COL4A5: variants seen among roughly 807,000 people sequenced by gnomAD.
The protein encoded by COL4A5 is collagen alpha-5(IV) chain.
In COL4A5, 26 loss-of-function variants were observed where a neutral mutation model predicts 130.2. The observed-to-expected ratio is 0.20, with a 90% CI of 0.15 to 0.28. The LOEUF (loss-of-function observed/expected upper bound fraction) is 0.28. Among genes scored for constraint, COL4A5 ranks in the 10% least tolerant of loss-of-function variants. The pLI, the probability that COL4A5 is intolerant of heterozygous loss-of-function variation, is 1.00. For synonymous variants in COL4A5, 496 were observed against 439.6 expected (o/e 1.13, Z -1.60); for missense variants, 1,131 against 1,344.3 (o/e 0.84, Z 2.48).
intron 36 of COL4A5, among the ~76,000 whole-genome samples, chrX:108,630,810 C>T: frequency 8.9e-6 from 1 of 112,222 alleles, no homozygotes; most frequent in Non-Finnish European, 1.9e-5. Context: ...AAGTCTTAAT[C>T]CATCTTGAAT....
chrX:108,582,664 C>T (rs1569491337), intron 16 of COL4A5: 1 of 397,215 alleles, frequency 2.5e-6, no homozygotes, highest in Non-Finnish European at 4.3e-6. Flanking sequence ...GTTAAAATGC[C>T]ACAAAGCTCT....
chrX:108,650,844 T>C (rs1189210533), intron 36 of COL4A5, among the ~76,000 whole-genome samples: 1 of 109,909 alleles, frequency 9.1e-6, no homozygotes, highest in Non-Finnish European at 1.9e-5. Flanking sequence ...GCTTGGGTGA[T>C]GGGTGCACCA....
rs1427343500 is a variant in COL4A5, at chrX:108,591,656, A to C, written c.1423+12A>C. 2.6e-6 allele frequency: 3 copies of C among 1,132,840 alleles called. No individual in the cohort carries two copies. The highest frequency in any genetic ancestry group is 3.6e-6 in the Non-Finnish European group (3 of 823,577). The allele number at this position is 1,132,840 out of a possible 1,213,427, so 93.4% of individuals were successfully genotyped here. A position where few individuals can be genotyped will look rare whatever the true frequency, so the allele number is the denominator to read the frequency against. ...ACAAGGAGTGAAAGGTTTGATCTCC[A>C]AACATATTCATTCCTTCATTTTCTT... is the stretch of plus-strand genomic sequence containing the variant. On this transcript the variant is annotated intron_variant, in intron 21 of 52. Coordinates refer to ENST00000328300, the MANE Select transcript of COL4A5 (RefSeq NM_033380.3).
intron 36 of COL4A5, among the ~76,000 whole-genome samples, chrX:108,646,916 C>T (rs1161870719): frequency 9.2e-6 from 1 of 108,783 alleles, no homozygotes; most frequent in Non-Finnish European, 1.9e-5. Context: ...TTTCTGAGGG[C>T]TCTGTTCTGT....
At chrX:108,451,697 T>G (rs1166339010) in intron 1 of COL4A5, among the ~76,000 whole-genome samples, 1 of 109,209 alleles carries the variant, frequency 9.2e-6, no homozygotes, top group Non-Finnish European at 1.9e-5. Context: ...GGGTTGTTTG[T>G]TTTTTTCTTG....
intron 37 of COL4A5, among the ~76,000 whole-genome samples, chrX:108,656,162 C>T (rs1022655587): frequency 1.8e-5 from 2 of 111,397 alleles, no homozygotes; most frequent in African/African-American, 6.5e-5. Flanking sequence ...TTTACCCATG[C>T]CCCTACGCCC....
At chrX:108,558,747 T>A (rs2065863336) in intron 2 of COL4A5, among the ~76,000 whole-genome samples, 1 of 111,355 alleles carries the variant, frequency 9.0e-6, no homozygotes, top group Non-Finnish European at 1.9e-5. Flanking sequence ...CCCTTACAGA[T>A]CTGGTTTCCT....
chrX:108,524,798 A>G (rs1207411761), intron 1 of COL4A5, among the ~76,000 whole-genome samples: 1 of 111,530 alleles, frequency 9.0e-6, no homozygotes, highest in African/African-American at 3.3e-5. Context: ...ACTTGTTGAT[A>G]TCCTGTTTAT....
chrX:108,490,653 T>A (rs2064985328), intron 1 of COL4A5, among the ~76,000 whole-genome samples: 1 of 111,729 alleles, frequency 9.0e-6, no homozygotes, highest in Non-Finnish European at 1.9e-5. Context: ...TATTTAAAAA[T>A]TTATCTTATT....
intron 17 of COL4A5, among the ~76,000 whole-genome samples, chrX:108,584,119 G>T (rs1038833838): frequency 1.0e-4 from 11 of 105,780 alleles, no homozygotes; most frequent in Admixed American, 9.2e-4. Flanking sequence ...TGATTCTAGT[G>T]CTACCATTTT....
intron 1 of COL4A5, among the ~76,000 whole-genome samples, chrX:108,527,863 A>G (rs2065342131): frequency 1.8e-5 from 2 of 111,634 alleles, no homozygotes; most frequent in South Asian, 7.6e-4. Flanking sequence ...AGCACCACAT[A>G]TGGGCCTGGA....
intron 1 of COL4A5, among the ~76,000 whole-genome samples, chrX:108,475,702 T>C (rs2064825817): frequency 9.0e-6 from 1 of 111,053 alleles, no homozygotes; most frequent in South Asian, 3.9e-4. Flanking sequence ...CCAGAGCCCC[T>C]CTTCCAGGCC....
intron 1 of COL4A5, among the ~76,000 whole-genome samples, chrX:108,495,970 A>G (rs1325870616): frequency 8.9e-6 from 1 of 111,899 alleles, no homozygotes; most frequent in African/African-American, 3.2e-5. Flanking sequence ...TGATCAGCCA[A>G]CTCTCTGGTG....
rs1182189417 is a variant in COL4A5 at position 108,584,534 on chromosome X, T to G, written c.1032+9T>G. On this transcript the variant is annotated intron_variant, in intron 18 of 52. Transcript: ENST00000328300. The stretch of plus-strand genomic sequence containing the variant: ...CTGGACCTCCTGGACTTGTAAGTTT[T>G]TTTTTTTTAGTCTTCGTTTATCAAA... The G allele has an allele frequency of 1.7e-6, 2 of 1,200,814 alleles. No homozygotes were observed. Among genetic ancestry groups the G allele is most frequent in the South Asian group, 1.8e-5 (1 of 55,012 alleles).
chrX:108,531,394 TA>T (rs1214705016), intron 1 of COL4A5, among the ~76,000 whole-genome samples: 2 of 31,220 alleles, frequency 6.4e-5, no homozygotes, highest in African/African-American at 2.5e-4. Flanking sequence ...ATAAAATAAA[TA>T]AATAAATAAA....
intron 36 of COL4A5, among the ~76,000 whole-genome samples, chrX:108,637,651 A>T (rs746573255): frequency 8.9e-6 from 1 of 111,927 alleles, no homozygotes; most frequent in Non-Finnish European, 1.9e-5. Context: ...TGAGACTGCT[A>T]TGAACAGGTG....
intron 47 of COL4A5, among the ~76,000 whole-genome samples, chrX:108,684,522 G>A (rs193245968): frequency 3.6e-5 from 4 of 111,978 alleles, no homozygotes; most frequent in African/African-American, 1.3e-4. Flanking sequence ...ATAAATTCCT[G>A]GACACGTACC....
chrX:108,443,025 A>G (rs970997310), intron 1 of COL4A5: 3 of 111,520 alleles, frequency 2.7e-5, no homozygotes, highest in Non-Finnish European at 1.9e-5. Flanking sequence ...ACTGTCCTAT[A>G]CTGCCTACTT....
chrX:108,556,661 G>A (rs2065826169), intron 2 of COL4A5, among the ~76,000 whole-genome samples: 1 of 111,051 alleles, frequency 9.0e-6, no homozygotes, highest in Admixed American at 9.7e-5. Flanking sequence ...TAGTTGTAAG[G>A]ATTAAACGAG....
Sources: gnomAD v4.1 joint callset for allele counts (sites outside exome capture counted in the v4.1 genomes callset) on GRCh38, gnomAD v4.1.1 for gene constraint, MANE v1.5 for transcripts, NCBI Gene and HGNC (gene_info 2026-07-23, HGNC 2026-07-21) for gene names.